Variants in TOMM7 observed in about 807,000 individuals in gnomAD.
TOMM7 encodes the protein translocase of outer mitochondrial membrane 7.
In TOMM7, 8 loss-of-function variants were observed where a neutral mutation model predicts 9.5. That is an observed-to-expected ratio of 0.84 (90% CI 0.49 to 1.51). The LOEUF (loss-of-function observed/expected upper bound fraction) is 1.51. TOMM7 is among the 40% of genes most tolerant of loss of function. TOMM7 has a pLI of 0.00. For synonymous variants in TOMM7, 27 were observed against 21.4 expected, an observed-to-expected ratio of 1.26 and a Z score of -0.72; for missense variants, 74 against 63.7, an observed-to-expected ratio of 1.16 and a Z score of -0.55.
chr7:22,813,525 G>C (rs1219905106), intron 2 of TOMM7, among the ~76,000 whole-genome samples: 1 of 152,144 alleles, frequency 6.6e-6, no homozygotes, highest in Non-Finnish European at 1.5e-5. Flanking sequence ...ACTAGATGCA[G>C]TATCAGTAAT....
At chr7:22,817,889 G>A (rs1782336955) in intron 2 of TOMM7, 111 bp downstream of exon 2, 3 of 1,034,038 alleles carry the variant, frequency 2.9e-6, no homozygotes, top group African/African-American at 3.2e-5. Context: ...AAACTATACT[G>A]ACTGATAAAG....
intron 2 of TOMM7, among the ~76,000 whole-genome samples, chr7:22,815,205 G>A (rs1428624145): frequency 1.3e-5 from 2 of 152,166 alleles, no homozygotes; most frequent in East Asian, 3.9e-4. Context: ...GTAGGACAGG[G>A]ATGCTTCATC....
intron 1 of TOMM7, chr7:22,818,313 GGC>G: frequency 3.1e-6 from 1 of 325,908 alleles, no homozygotes; most frequent in East Asian, 6.6e-5. Context: ...CTGTCACCCA[GGC>G]TGGAGTGCTG....
intron 1 of TOMM7, chr7:22,818,338 G>A (rs562623293): frequency 2.2e-4 from 53 of 245,490 alleles, no homozygotes; most frequent in East Asian, 1.4e-3. Context: ...GTATGATCTC[G>A]GCTCACTGCA....
At chr7:22,814,389 C>T (rs1024232809) in intron 2 of TOMM7, among the ~76,000 whole-genome samples, 4 of 146,694 alleles carry the variant, frequency 2.7e-5, no homozygotes, top group South Asian at 2.2e-4. Context: ...TGTGGTGACG[C>T]GTGCCTGTGG....
At chr7:22,813,233 ATCT>A in intron 2 of TOMM7, 48 bp from the exon 3 acceptor site, 1 of 1,579,576 alleles carries the variant, frequency 6.3e-7, no homozygotes, top group African/African-American at 1.4e-5. Context: ...CGAAATAAAA[ATCT>A]TCTAGACATA....
intron 2 of TOMM7, among the ~76,000 whole-genome samples, chr7:22,815,089 T>C (rs1319885833): frequency 6.6e-6 from 1 of 152,080 alleles, no homozygotes; most frequent in Non-Finnish European, 1.5e-5. Context: ...CAAATGCCTC[T>C]GGAGGGAAAC....
At chr7:22,820,385 T>C (rs566172419) in intron 1 of TOMM7, among the ~76,000 whole-genome samples, 9 of 152,250 alleles carry the variant, frequency 5.9e-5, no homozygotes, top group African/African-American at 2.2e-4. Context: ...GGAAAAGGAA[T>C]GCATTATCCA....
intron 2 of TOMM7, chr7:22,817,482 A>G (rs760639781): frequency 1.3e-5 from 3 of 236,718 alleles, no homozygotes; most frequent in Non-Finnish European, 1.8e-5. Context: ...GCTTCAAGCA[A>G]TCCTCCCATG....
intron 1 of TOMM7, among the ~76,000 whole-genome samples, chr7:22,821,220 G>A (rs1167864510): frequency 1.3e-5 from 2 of 151,986 alleles, no homozygotes; most frequent in Non-Finnish European, 2.9e-5. Context: ...GACCATCCTG[G>A]CTAACACGGT....
chr7:22,813,187 TA>T lies in TOMM7; in HGVS notation c.153-3del. 2 of 1,612,762 alleles carry T rather than the reference TA, an allele frequency of 1.2e-6. No homozygotes were observed. The highest frequency in any genetic ancestry group is 1.7e-6 in the Non-Finnish European group (2 of 1,179,498). On this transcript the variant is annotated splice_region_variant and splice_polypyrimidine_tract_variant and intron_variant, in intron 2 of 2. Coordinates refer to ENST00000358435, the MANE Select transcript of TOMM7 (RefSeq NM_019059.5). The stretch of plus-strand genomic sequence containing the variant: ...ATAATCCTTTATCCCCAAAGTAGGC[TA>T]AAATGTTTGTGAAGAGAAGAAAGAA...
chr7:22,815,004 G>A (rs1365521412), intron 2 of TOMM7, among the ~76,000 whole-genome samples: 1 of 152,264 alleles, frequency 6.6e-6, no homozygotes, highest in East Asian at 1.9e-4. Flanking sequence ...CCCAGTGCAG[G>A]GAGCACAGTA....
intron 2 of TOMM7, among the ~76,000 whole-genome samples, chr7:22,814,042 A>T (rs1027621990): frequency 2.0e-5 from 3 of 150,716 alleles, no homozygotes; most frequent in African/African-American, 7.4e-5. Context: ...TAAGATATGA[A>T]AATAAATTAT....
At chr7:22,819,854 C>A (rs896697586) in intron 1 of TOMM7, among the ~76,000 whole-genome samples, 2 of 152,228 alleles carry the variant, frequency 1.3e-5, no homozygotes, top group Non-Finnish European at 2.9e-5. Flanking sequence ...TGTCTTCCAA[C>A]AAGCGGCTCA....
intron 2 of TOMM7, among the ~76,000 whole-genome samples, chr7:22,815,063 A>G (rs181846241): frequency 4.5e-4 from 68 of 152,282 alleles, no homozygotes; most frequent in Admixed American, 7.2e-4. Flanking sequence ...CACTCACTCA[A>G]TTCTTTCCTA....
chr7:22,820,915 G>A (rs958203537), intron 1 of TOMM7, among the ~76,000 whole-genome samples: 1 of 152,000 alleles, frequency 6.6e-6, no homozygotes, highest in African/African-American at 2.4e-5. Context: ...AACCACAGCT[G>A]CTTAGTCAGA....
At chr7:22,819,338 C>G (rs994101823) in intron 1 of TOMM7, among the ~76,000 whole-genome samples, 9 of 151,310 alleles carry the variant, frequency 5.9e-5, no homozygotes, top group Admixed American at 2.6e-4. Flanking sequence ...AACAAACTGG[C>G]CTGCCAATTT....
chr7:22,822,582 T>A, intron 1 of TOMM7, 95 bp downstream of exon 1: 1 of 1,097,180 alleles, frequency 9.1e-7, no homozygotes, highest in Non-Finnish European at 1.4e-6. Flanking sequence ...CAGTGTCCCC[T>A]ATTTTTCTCT....
At chr7:22,821,477 A>C (rs938087429) in intron 1 of TOMM7, among the ~76,000 whole-genome samples, 1 of 151,688 alleles carries the variant, frequency 6.6e-6, no homozygotes, top group Non-Finnish European at 1.5e-5. Context: ...TAATCCCAGC[A>C]CTTTGGGAGG....
Sources: gnomAD v4.1 joint callset for allele counts (sites outside exome capture counted in the v4.1 genomes callset) on GRCh38, gnomAD v4.1.1 for gene constraint, MANE v1.5 for transcripts, NCBI Gene and HGNC (gene_info 2026-07-23, HGNC 2026-07-21) for gene names.